ERC2: variants seen among roughly 807,000 people sequenced by gnomAD.
The protein encoded by ERC2 is ERC protein 2.
ERC2 carries 42 observed loss-of-function variants against 114.8 expected under a neutral mutation model. The ratio of observed to expected loss-of-function variants is 0.37; its 90% CI spans 0.29 to 0.47. The LOEUF is 0.47. ERC2 is among the 20% of genes least tolerant of loss of function. The pLI, the probability that ERC2 is intolerant of heterozygous loss-of-function variation, is 0.99. For missense variants in ERC2, 939 were observed against 1,150.7 expected (o/e 0.82, Z 2.66); for synonymous variants, 454 against 425.5 (o/e 1.07, Z -0.82).
intron 12 of ERC2, among the ~76,000 whole-genome samples, chr3:55,959,719 G>C (rs1452970129): frequency 6.6e-6 from 1 of 152,230 alleles, no homozygotes; most frequent in Non-Finnish European, 1.5e-5. Context: ...GAGCCAGAGA[G>C]CACAGGGTGG....
intron 17 of ERC2, among the ~76,000 whole-genome samples, chr3:55,663,380 G>T (rs2061221277): frequency 6.6e-6 from 1 of 152,244 alleles, no homozygotes; most frequent in Non-Finnish European, 1.5e-5. Context: ...TCAGTGAAGT[G>T]GGGCTAGAAT....
chr3:56,403,720 T>C (rs2060607940), intron 2 of ERC2, among the ~76,000 whole-genome samples: 2 of 152,232 alleles, frequency 1.3e-5, no homozygotes, highest in Admixed American at 1.3e-4. Flanking sequence ...AGGTCACTTA[T>C]CAAATGTTCA....
chr3:56,341,360 C>T (rs1576503656), intron 2 of ERC2, among the ~76,000 whole-genome samples: 1 of 152,264 alleles, frequency 6.6e-6, no homozygotes, highest in South Asian at 2.1e-4. Context: ...CAATTAAAAA[C>T]AGGGCACTGG....
intron 16 of ERC2, among the ~76,000 whole-genome samples, chr3:55,692,437 T>G (rs936675378): frequency 2.6e-5 from 4 of 152,192 alleles, no homozygotes; most frequent in Admixed American, 6.5e-5. Flanking sequence ...GTCACCTGCC[T>G]CCAGCCACAA....
chr3:56,369,317 C>A (rs1414511957), intron 2 of ERC2, among the ~76,000 whole-genome samples: 1 of 152,188 alleles, frequency 6.6e-6, no homozygotes, highest in Non-Finnish European at 1.5e-5. Context: ...ACTGGATCCC[C>A]ATGATAAAAT....
chr3:55,522,413 G>A (rs1204397845), intron 17 of ERC2, among the ~76,000 whole-genome samples: 1 of 152,180 alleles, frequency 6.6e-6, no homozygotes, highest in Non-Finnish European at 1.5e-5. Context: ...GGCAGATTCA[G>A]TCTGGATTTT....
At chr3:56,407,799 G>A (rs1008768762) in intron 2 of ERC2, among the ~76,000 whole-genome samples, 4 of 152,114 alleles carry the variant, frequency 2.6e-5, no homozygotes, top group South Asian at 2.1e-4. Context: ...CCTGGAACAC[G>A]ACAGCAGGTA....
chr3:55,595,400 C>A (rs1266614221), intron 17 of ERC2, among the ~76,000 whole-genome samples: 1 of 152,204 alleles, frequency 6.6e-6, no homozygotes, highest in East Asian at 1.9e-4. Context: ...CTGTCCAGTA[C>A]CAAAGCTCTT....
At chr3:56,189,056 C>T (rs2083819475) in intron 3 of ERC2, among the ~76,000 whole-genome samples, 1 of 150,784 alleles carries the variant, frequency 6.6e-6, no homozygotes, top group African/African-American at 2.5e-5. Flanking sequence ...CCCCAGTTTT[C>T]AGGAGGAAAC....
At chr3:55,551,114 A>G (rs1559639266) in intron 17 of ERC2, among the ~76,000 whole-genome samples, 1 of 151,802 alleles carries the variant, frequency 6.6e-6, no homozygotes, top group Non-Finnish European at 1.5e-5. Context: ...GTGTGTGTGT[A>G]TATGTGTATA....
intron 3 of ERC2, among the ~76,000 whole-genome samples, chr3:56,206,182 C>A (rs1385866922): frequency 1.0e-4 from 1 of 9,908 alleles, no homozygotes; most frequent in African/African-American, 1.2e-4. Context: ...GCCAGAAAAA[C>A]ACACACACAC....
chr3:55,803,500 T>A (rs1423730471), intron 14 of ERC2, among the ~76,000 whole-genome samples: 2 of 150,932 alleles, frequency 1.3e-5, no homozygotes, highest in Non-Finnish European at 2.9e-5. Context: ...GCATTTCAAC[T>A]GATGAATATT....
At chr3:55,628,108 C>T (rs1040179161) in intron 17 of ERC2, among the ~76,000 whole-genome samples, 4 of 81,116 alleles carry the variant, frequency 4.9e-5, no homozygotes, top group Admixed American at 2.4e-4. Context: ...TATAGTTATA[C>T]CCCCATTTTT....
intron 14 of ERC2, among the ~76,000 whole-genome samples, chr3:55,862,633 T>A (rs2062081836): frequency 6.6e-6 from 1 of 152,172 alleles, no homozygotes. Flanking sequence ...TACCCTGATT[T>A]CTCTTTGGCC....
intron 12 of ERC2, among the ~76,000 whole-genome samples, chr3:55,982,860 G>A (rs115954425): frequency 0.012 from 1,778 of 152,322 alleles, 29 homozygotes; most frequent in African/African-American, 0.04. Context: ...TTCACCTTTT[G>A]CTAGAAGAAT....
chr3:56,195,682 A>C (rs1244923663), intron 3 of ERC2, among the ~76,000 whole-genome samples: 1 of 151,984 alleles, frequency 6.6e-6, no homozygotes, highest in African/African-American at 2.4e-5. Context: ...TACAAAAATT[A>C]TCTGGGCATG....
At chr3:56,446,512 T>C (rs1158058927) in intron 1 of ERC2, among the ~76,000 whole-genome samples, 3 of 151,642 alleles carry the variant, frequency 2.0e-5, no homozygotes, top group African/African-American at 7.3e-5. Context: ...GATGTGGGTG[T>C]AGGAGGTTCA....
intron 12 of ERC2, among the ~76,000 whole-genome samples, chr3:55,968,403 T>C (rs142052821): frequency 1.6e-4 from 24 of 152,342 alleles, no homozygotes; most frequent in African/African-American, 5.5e-4. Context: ...GAAATCTCTA[T>C]GAACTGAAGG....
At chr3:55,789,149 C>G (rs2069769690) in intron 14 of ERC2, among the ~76,000 whole-genome samples, 1 of 152,200 alleles carries the variant, frequency 6.6e-6, no homozygotes, top group Admixed American at 6.5e-5. Context: ...ATATACCAGC[C>G]TAAGGCTTAA....
Sources: allele counts gnomAD v4.1 joint callset (sites outside exome capture counted in the v4.1 genomes callset), GRCh38; gene constraint gnomAD v4.1.1; transcripts MANE v1.5; gene names NCBI Gene and HGNC (gene_info 2026-07-23, HGNC 2026-07-21).